The following NKAIN2 variants were observed in gnomAD, a reference collection of about 807,000 sequenced individuals.
The protein encoded by NKAIN2 is sodium/potassium transporting ATPase interacting 2.
Under a neutral mutation model 32.6 loss-of-function variants are expected in NKAIN2, and 14 were observed. The ratio of observed to expected loss-of-function variants is 0.43; its 90% CI spans 0.28 to 0.67. The LOEUF (loss-of-function observed/expected upper bound fraction) is 0.67, where lower values mean the gene tolerates loss of function less well. NKAIN2 is among the 30% of genes least tolerant of loss of function. The pLI, the probability that NKAIN2 is intolerant of heterozygous loss-of-function variation, is 0.17. For synonymous variants in NKAIN2, 80 were observed against 87.2 expected (o/e 0.92, Z 0.46); for missense variants, 198 against 258.3 (o/e 0.77, Z 1.60).
intron 5 of NKAIN2, among the ~76,000 whole-genome samples, chr6:124,793,679 C>CAA (rs60417104): frequency 2.1e-5 from 3 of 142,706 alleles, no homozygotes; most frequent in African/African-American, 8.1e-5. Context: ...ACATACTGCT[C>CAA]AAAAAAAAAA....
Position 124,754,971 on chromosome 6 carries a change from G to A in NKAIN2, c.475-36368G>A, listed in dbSNP as rs935058289. ...ATTCTCCAGAGGGACAGAACTAATA[G>A]GATATATGTATAAATGAAAGGGAAT... On this transcript the variant is annotated intron_variant, in intron 4 of 6. Coordinates refer to ENST00000368417, the MANE Select transcript of NKAIN2 (RefSeq NM_001040214.3). Among the ~76,000 whole-genome samples the A allele has an allele frequency of 5.3e-5, 8 of 152,080 alleles. 1 individual carries two copies. The South Asian group carries it at 8.3e-4, about 16-fold the overall frequency.
rs546397625 is a variant in NKAIN2, at chr6:124,412,766, C to T, written c.273+57419C>T. Among the ~76,000 whole-genome samples, 11 of 152,284 alleles carry T rather than the reference C, an allele frequency of 7.2e-5. No individual in the cohort carries two copies. In the South Asian group the frequency reaches 1.9e-3, roughly 26 times the overall value. Reference sequence around the variant, plus strand: ...TCTTTTGTTTGTCTGTGCCCTGCCCCCAGAGGTGGAGCCTACCTAGGCAGG... The same window carrying T: ...TCTTTTGTTTGTCTGTGCCCTGCCCTCAGAGGTGGAGCCTACCTAGGCAGG... On this transcript the variant is annotated intron_variant, in intron 3 of 6. Coordinates refer to ENST00000368417, the MANE Select transcript of NKAIN2 (RefSeq NM_001040214.3).
intron 3 of NKAIN2, among the ~76,000 whole-genome samples, chr6:124,546,289 T>C (rs1388898843): frequency 2.0e-5 from 3 of 152,078 alleles, no homozygotes; most frequent in Admixed American, 1.3e-4. Flanking sequence ...TTCCCAAACA[T>C]GGAAAGCAGT....
intron 1 of NKAIN2, among the ~76,000 whole-genome samples, chr6:123,961,622 G>A (rs1582847544): frequency 6.6e-6 from 1 of 152,126 alleles, no homozygotes; most frequent in African/African-American, 2.4e-5. Flanking sequence ...TTGTGGCTAA[G>A]GTTGTATTGG....
chr6:123,822,211 A>T (rs1197197855), intron 1 of NKAIN2, among the ~76,000 whole-genome samples: 1 of 152,188 alleles, frequency 6.6e-6, no homozygotes, highest in Non-Finnish European at 1.5e-5. Flanking sequence ...ACTGTTAAAA[A>T]AAAAACTCCT....
At chr6:124,040,847 A>G (rs1488479384) in intron 1 of NKAIN2, among the ~76,000 whole-genome samples, 2 of 152,042 alleles carry the variant, frequency 1.3e-5, no homozygotes, top group Non-Finnish European at 2.9e-5. Flanking sequence ...CATGAAAAGT[A>G]GTAAGTCATT....
intron 1 of NKAIN2, among the ~76,000 whole-genome samples, chr6:123,826,877 A>T (rs775187566): frequency 1.3e-5 from 2 of 152,132 alleles, no homozygotes; most frequent in Non-Finnish European, 2.9e-5. Context: ...GAATTGCTAG[A>T]TCATATGGCA....
chr6:123,840,838 A>T (rs1413575540), intron 1 of NKAIN2, among the ~76,000 whole-genome samples: 4 of 152,166 alleles, frequency 2.6e-5, no homozygotes, highest in African/African-American at 9.6e-5. Context: ...TATAGTTTAT[A>T]TACTATTTAT....
intron 3 of NKAIN2, among the ~76,000 whole-genome samples, chr6:124,480,005 T>C (rs190479182): frequency 1.1e-3 from 169 of 152,308 alleles, no homozygotes; most frequent in African/African-American, 3.8e-3. Context: ...GCCAAGACAC[T>C]AATGCATTCT....
At chr6:123,937,697 T>A (rs776197927) in intron 1 of NKAIN2, among the ~76,000 whole-genome samples, 1 of 152,090 alleles carries the variant, frequency 6.6e-6, no homozygotes, top group South Asian at 2.1e-4. Flanking sequence ...AGTGGTAAGC[T>A]CTGCTAATTC....
chr6:123,922,222 T>C (rs1229902079), intron 1 of NKAIN2, among the ~76,000 whole-genome samples: 1 of 152,214 alleles, frequency 6.6e-6, no homozygotes, highest in Admixed American at 6.6e-5. Context: ...TTTCTAAACT[T>C]CTCAGCTATT....
intron 2 of NKAIN2, among the ~76,000 whole-genome samples, chr6:124,323,639 T>C (rs780990390): frequency 3.9e-5 from 6 of 152,124 alleles, no homozygotes; most frequent in Non-Finnish European, 8.8e-5. Context: ...GTATGTTCCA[T>C]TTTTCTATAT....
chr6:124,194,399 C>T (rs373464068), intron 1 of NKAIN2, among the ~76,000 whole-genome samples: 35 of 152,100 alleles, frequency 2.3e-4, no homozygotes, highest in African/African-American at 8.2e-4. Context: ...ATTTAATGAG[C>T]ATCTTTCATT....
At chr6:124,548,518 C>G (rs985210660) in intron 3 of NKAIN2, among the ~76,000 whole-genome samples, 3 of 152,156 alleles carry the variant, frequency 2.0e-5, no homozygotes, top group Non-Finnish European at 4.4e-5. Flanking sequence ...CTGTCCTTAT[C>G]CAGCACTCAT....
chr6:124,619,204 A>G (rs1203209830), intron 3 of NKAIN2, among the ~76,000 whole-genome samples: 1 of 152,054 alleles, frequency 6.6e-6, no homozygotes, highest in African/African-American at 2.4e-5. Context: ...TTTCAGGGGG[A>G]AAAAATGCAT....
chr6:124,105,873 A>T (rs1195119202), intron 1 of NKAIN2, among the ~76,000 whole-genome samples: 2 of 152,186 alleles, frequency 1.3e-5, no homozygotes, highest in Non-Finnish European at 2.9e-5. Context: ...GATAGCAAAC[A>T]TTTATACCCT....
chr6:124,464,979 A>G (rs1776686279), intron 3 of NKAIN2, among the ~76,000 whole-genome samples: 1 of 152,038 alleles, frequency 6.6e-6, no homozygotes. Flanking sequence ...TTTTCACAAT[A>G]TTGATTCTTC....
At chr6:124,413,821 C>A (rs1774335036) in intron 3 of NKAIN2, among the ~76,000 whole-genome samples, 1 of 151,930 alleles carries the variant, frequency 6.6e-6, no homozygotes, top group Admixed American at 6.6e-5. Flanking sequence ...TTTTTATTTC[C>A]ATATATGATT....
At chr6:124,166,271 T>C (rs1400361654) in intron 1 of NKAIN2, among the ~76,000 whole-genome samples, 5 of 150,940 alleles carry the variant, frequency 3.3e-5, no homozygotes, top group East Asian at 3.9e-4. Flanking sequence ...TGGCCAGTGA[T>C]GGTGAGCATT....
Sources: gnomAD v4.1 joint callset for allele counts (sites outside exome capture counted in the v4.1 genomes callset) on GRCh38, gnomAD v4.1.1 for gene constraint, MANE v1.5 for transcripts, NCBI Gene and HGNC (gene_info 2026-07-23, HGNC 2026-07-21) for gene names.